Variants in STK33 observed in about 807,000 individuals in gnomAD.
STK33 encodes the protein serine/threonine-protein kinase 33.
STK33 carries 52 observed loss-of-function variants against 58.0 expected under a neutral mutation model. The ratio of observed to expected loss-of-function variants is 0.90; its 90% CI spans 0.72 to 1.13. STK33 has a LOEUF of 1.13. Ranked by LOEUF, STK33 falls within the 50% of genes most tolerant of loss-of-function variation. The pLI is 0.00. For synonymous variants in STK33, 215 were observed against 200.1 expected (o/e 1.07, Z -0.63); for missense variants, 630 against 604.2 (o/e 1.04, Z -0.45).
At chr11:8,512,232 C>A (rs185092189) in intron 1 of STK33, among the ~76,000 whole-genome samples, 3 of 152,100 alleles carry the variant, frequency 2.0e-5, no homozygotes, top group Admixed American at 1.3e-4. Context: ...CAAAAATTTA[C>A]ATAATGATAT....
At chr11:8,471,749 T>C (rs1280682656) in intron 6 of STK33, among the ~76,000 whole-genome samples, 2 of 152,032 alleles carry the variant, frequency 1.3e-5, no homozygotes, top group Non-Finnish European at 2.9e-5. Context: ...ACAGGAAAAA[T>C]GTTAAAGAAA....
chr11:8,439,894 T>TATA (rs1944533028), intron 12 of STK33, among the ~76,000 whole-genome samples: 2 of 140,156 alleles, frequency 1.4e-5, no homozygotes, highest in Admixed American at 7.2e-5. Context: ...TATCAGAGGC[T>TATA]TTTATATATA....
At chr11:8,484,032 T>C (rs990380278) in intron 1 of STK33, among the ~76,000 whole-genome samples, 3 of 152,290 alleles carry the variant, frequency 2.0e-5, no homozygotes, top group South Asian at 4.1e-4. Context: ...AACATTAAAA[T>C]CTCAAAAGTC....
At chr11:8,361,231 T>C in the STK33 span, among the ~76,000 whole-genome samples, 1 of 152,144 alleles carries the variant, frequency 6.6e-6, no homozygotes, top group Non-Finnish European at 1.5e-5. This position sits in a 1 kb window ranked among gnomAD's most constrained non-coding sequence, Gnocchi z 4.8. Context: ...GCTCCATGCC[T>C]GTTCCCAAGA....
chr11:8,468,048 A>T (rs954180328), intron 6 of STK33, among the ~76,000 whole-genome samples: 2 of 152,200 alleles, frequency 1.3e-5, no homozygotes, highest in African/African-American at 4.8e-5. Flanking sequence ...GCTGATAAAG[A>T]CATACCCGAG....
chr11:8,555,743 T>C (rs1956702440), intron 1 of STK33, among the ~76,000 whole-genome samples: 1 of 152,096 alleles, frequency 6.6e-6, no homozygotes, highest in African/African-American at 2.4e-5. Context: ...AGTGAGGTGA[T>C]GAATATGTTA....
intron 1 of STK33, among the ~76,000 whole-genome samples, chr11:8,486,886 AATC>A (rs992377279): frequency 2.0e-5 from 3 of 152,220 alleles, no homozygotes; most frequent in Admixed American, 2.0e-4. Context: ...CTTGGTAACT[AATC>A]AGTTATGACC....
intron 1 of STK33, among the ~76,000 whole-genome samples, chr11:8,487,521 A>G (rs1360843076): frequency 6.6e-6 from 1 of 152,012 alleles, no homozygotes; most frequent in Non-Finnish European, 1.5e-5. Context: ...TCCAGGAAGG[A>G]TATGTAGAAT....
intron 1 of STK33, among the ~76,000 whole-genome samples, chr11:8,592,965 C>G (rs1462719115): frequency 6.6e-6 from 1 of 152,008 alleles, no homozygotes; most frequent in Non-Finnish European, 1.5e-5. Flanking sequence ...GTAGATTGGT[C>G]TAGGGTAATA....
chr11:8,371,711 A>G, the STK33 span, among the ~76,000 whole-genome samples: 1 of 95,566 alleles, frequency 1.0e-5, no homozygotes, highest in African/African-American at 4.0e-5. Flanking sequence ...TCTTCCTTTC[A>G]TTTATTTCCC....
intron 15 of STK33, among the ~76,000 whole-genome samples, chr11:8,402,934 T>C (rs1028492596): frequency 6.6e-6 from 1 of 152,244 alleles, no homozygotes; most frequent in African/African-American, 2.4e-5. Flanking sequence ...CTGTCACTGA[T>C]GCAATTTTAT....
chr11:8,508,620 A>AC (rs1952058982), intron 1 of STK33, among the ~76,000 whole-genome samples: 1 of 152,080 alleles, frequency 6.6e-6, no homozygotes, highest in African/African-American at 2.4e-5. Context: ...AACTCTTGTC[A>AC]CAACACCCCT....
intron 1 of STK33, among the ~76,000 whole-genome samples, chr11:8,525,942 T>G (rs946490106): frequency 6.6e-6 from 1 of 151,822 alleles, no homozygotes; most frequent in East Asian, 1.9e-4. Flanking sequence ...CCAATAAACA[T>G]AATAAAAAGT....
At chr11:8,513,809 G>A (rs554895681) in intron 1 of STK33, among the ~76,000 whole-genome samples, 35 of 152,140 alleles carry the variant, frequency 2.3e-4, no homozygotes, top group Admixed American at 2.0e-3. Flanking sequence ...TATCCTTTGT[G>A]TTATAAACAA....
chr11:8,509,364 A>G (rs1189719800), intron 1 of STK33, among the ~76,000 whole-genome samples: 1 of 152,208 alleles, frequency 6.6e-6, no homozygotes, highest in Non-Finnish European at 1.5e-5. Flanking sequence ...CAATGAAATC[A>G]GCACTTCAAA....
At chr11:8,387,107 T>G (rs1356144567), downstream of STK33, among the ~76,000 whole-genome samples, 1 of 152,210 alleles carries the variant, frequency 6.6e-6, no homozygotes, top group Non-Finnish European at 1.5e-5. Context: ...GAATGCAGCT[T>G]TCCCTGATAT....
intron 1 of STK33, among the ~76,000 whole-genome samples, chr11:8,482,941 CA>C (rs1351987972): frequency 6.6e-6 from 1 of 151,824 alleles, no homozygotes; most frequent in African/African-American, 2.4e-5. Flanking sequence ...CCATGTTAGC[CA>C]GGATGGTTTC....
At chr11:8,420,265 T>C (rs566914025) in intron 14 of STK33, among the ~76,000 whole-genome samples, 13 of 152,254 alleles carry the variant, frequency 8.5e-5, no homozygotes, top group Non-Finnish European at 1.6e-4. Flanking sequence ...CAGCAGAATA[T>C]CAAGATAATA....
At chr11:8,571,824 C>T (rs1957829110) in intron 1 of STK33, among the ~76,000 whole-genome samples, 1 of 145,332 alleles carries the variant, frequency 6.9e-6, no homozygotes, top group Non-Finnish European at 1.5e-5. Flanking sequence ...CAGAGCGAGA[C>T]CCAGTCTCAA....
Sources: allele counts gnomAD v4.1 joint callset (sites outside exome capture counted in the v4.1 genomes callset), GRCh38; gene constraint gnomAD v4.1.1; non-coding constraint Gnocchi (gnomAD v3.1); transcripts MANE v1.5; gene names NCBI Gene and HGNC (gene_info 2026-07-23, HGNC 2026-07-21).